LRRTM4: variants seen among roughly 807,000 people sequenced by gnomAD.
LRRTM4 encodes leucine-rich repeat transmembrane neuronal protein 4.
LRRTM4 carries 25 observed loss-of-function variants against 47.6 expected under a neutral mutation model. That is an observed-to-expected ratio of 0.53 (90% CI 0.38 to 0.73). The LOEUF (loss-of-function observed/expected upper bound fraction) is 0.73. Ranked by LOEUF, LRRTM4 falls within the 30% of genes least tolerant of loss-of-function variation. The pLI is 0.00. For missense variants in LRRTM4, 638 were observed against 713.4 expected (o/e 0.89, Z 1.20); for synonymous variants, 311 against 269.5 (o/e 1.15, Z -1.51).
chr2:76,900,975 G>C (rs1673607045), intron 3 of LRRTM4, among the ~76,000 whole-genome samples: 1 of 152,000 alleles, frequency 6.6e-6, no homozygotes, highest in Admixed American at 6.6e-5. Flanking sequence ...TCTTTTTTTG[G>C]AGTAAGTAAA....
chr2:77,030,351 T>C (rs934581879), intron 3 of LRRTM4, among the ~76,000 whole-genome samples: 22 of 152,146 alleles, frequency 1.4e-4, no homozygotes, highest in African/African-American at 4.8e-4. Context: ...GGAGAATCGC[T>C]TGAACTGGGA....
chr2:77,223,303 C>G (rs1050889779), intron 3 of LRRTM4, among the ~76,000 whole-genome samples: 1 of 152,130 alleles, frequency 6.6e-6, no homozygotes, highest in African/African-American at 2.4e-5. Context: ...TGGCACAAGA[C>G]AGGGATGGCC....
At chr2:76,968,630 G>C (rs948835478) in intron 3 of LRRTM4, among the ~76,000 whole-genome samples, 4 of 151,518 alleles carry the variant, frequency 2.6e-5, no homozygotes, top group African/African-American at 9.7e-5. Flanking sequence ...TTAGGCAGAA[G>C]AGAAGAGGGA....
chr2:77,507,941 T>C (rs1280348121), intron 3 of LRRTM4, among the ~76,000 whole-genome samples: 1 of 152,152 alleles, frequency 6.6e-6, no homozygotes, highest in African/African-American at 2.4e-5. Flanking sequence ...TAGTGGATCA[T>C]GGTGTCCCTA....
intron 3 of LRRTM4, among the ~76,000 whole-genome samples, chr2:77,160,252 T>G (rs1217093421): frequency 6.6e-6 from 1 of 152,182 alleles, no homozygotes; most frequent in South Asian, 2.1e-4. Context: ...GACTTTTATA[T>G]AACAATCATG....
At chr2:77,021,245 C>A (rs1394894226) in intron 3 of LRRTM4, among the ~76,000 whole-genome samples, 1 of 151,820 alleles carries the variant, frequency 6.6e-6, no homozygotes, top group Non-Finnish European at 1.5e-5. Context: ...GATAACAAGA[C>A]CACGAACTTG....
intron 3 of LRRTM4, among the ~76,000 whole-genome samples, chr2:76,755,738 C>T (rs897587974): frequency 1.3e-5 from 2 of 152,076 alleles, no homozygotes; most frequent in African/African-American, 4.8e-5. Flanking sequence ...GGAGCCTCAG[C>T]CTTACTCACA....
intron 3 of LRRTM4, among the ~76,000 whole-genome samples, chr2:77,108,652 G>C (rs373524765): frequency 0.012 from 1,756 of 147,588 alleles, 24 homozygotes; most frequent in African/African-American, 0.037. Flanking sequence ...GGCGGGATCT[G>C]GGCTCACTGC....
At chr2:76,785,555 TCTAGTGTTTAGATTTTCTC>T (rs1674629660) in intron 3 of LRRTM4, among the ~76,000 whole-genome samples, 1 of 152,122 alleles carries the variant, frequency 6.6e-6, no homozygotes. Context: ...GGAAGGTGTT[TCTAGTGTTTAGATTTTCTC>T]CTAGTAATTT....
chr2:77,252,160 G>A (rs1390250640), intron 3 of LRRTM4, among the ~76,000 whole-genome samples: 1 of 152,034 alleles, frequency 6.6e-6, no homozygotes, highest in Admixed American at 6.6e-5. Flanking sequence ...AATGGGTCTT[G>A]CTTTAGAATA....
chr2:77,331,328 T>C (rs964261140), intron 3 of LRRTM4, among the ~76,000 whole-genome samples: 2 of 152,166 alleles, frequency 1.3e-5, no homozygotes, highest in Non-Finnish European at 2.9e-5. Flanking sequence ...GGATTATATA[T>C]CAATCCAAGG....
At chr2:77,256,905 A>T (rs1040149164) in intron 3 of LRRTM4, among the ~76,000 whole-genome samples, 2 of 152,064 alleles carry the variant, frequency 1.3e-5, no homozygotes, top group African/African-American at 4.8e-5. Context: ...AGACACAAAA[A>T]CCCTTAACAA....
At chr2:77,181,828 C>G (rs1259357445) in intron 3 of LRRTM4, among the ~76,000 whole-genome samples, 1 of 152,112 alleles carries the variant, frequency 6.6e-6, no homozygotes, top group East Asian at 1.9e-4. Flanking sequence ...AAAAGCTCAA[C>G]CTCACTGATC....
intron 3 of LRRTM4, among the ~76,000 whole-genome samples, chr2:77,382,191 C>T (rs1470578458): frequency 1.3e-5 from 2 of 152,046 alleles, no homozygotes; most frequent in African/African-American, 2.4e-5. Flanking sequence ...AAAAATATGG[C>T]AGATCTGCTA....
intron 3 of LRRTM4, among the ~76,000 whole-genome samples, chr2:77,382,399 T>C (rs1042486824): frequency 2.0e-5 from 3 of 152,110 alleles, no homozygotes; most frequent in African/African-American, 7.2e-5. Context: ...GGGAATTATC[T>C]GTGGAACTCT....
At chr2:77,083,586 T>C (rs1386205824) in intron 3 of LRRTM4, among the ~76,000 whole-genome samples, 2 of 152,064 alleles carry the variant, frequency 1.3e-5, no homozygotes, top group East Asian at 1.9e-4. Context: ...GAATATTAGA[T>C]AGTCAAGTAC....
intron 3 of LRRTM4, among the ~76,000 whole-genome samples, chr2:76,831,299 T>C (rs551352275): frequency 6.6e-6 from 1 of 152,144 alleles, no homozygotes; most frequent in East Asian, 1.9e-4. Context: ...ATTTGTAAAT[T>C]TGATATTTCT....
intron 3 of LRRTM4, among the ~76,000 whole-genome samples, chr2:76,793,205 A>T (rs1387294084): frequency 3.3e-5 from 5 of 152,150 alleles, no homozygotes; most frequent in Non-Finnish European, 7.4e-5. Context: ...GGTTTTACAG[A>T]AAACACTCAT....
intron 3 of LRRTM4, among the ~76,000 whole-genome samples, chr2:76,903,727 C>A (rs1413458425): frequency 1.3e-5 from 2 of 152,030 alleles, no homozygotes; most frequent in Non-Finnish European, 2.9e-5. Flanking sequence ...CTATAAAGCA[C>A]TTTTATTACA....
Sources: gnomAD v4.1 joint callset for allele counts (sites outside exome capture counted in the v4.1 genomes callset) on GRCh38, gnomAD v4.1.1 for gene constraint, MANE v1.5 for transcripts, NCBI Gene and HGNC (gene_info 2026-07-23, HGNC 2026-07-21) for gene names.